SIGLEC5: variants seen among roughly 807,000 people sequenced by gnomAD.
The protein encoded by SIGLEC5 is sialic acid binding Ig like lectin 5, also known as sialic acid-binding Ig-like lectin 5.
In SIGLEC5, 34 loss-of-function variants were observed where a neutral mutation model predicts 45.9. That is an observed-to-expected ratio of 0.74 (90% CI 0.56 to 0.99). The LOEUF is 0.99. SIGLEC5 is among the 50% of genes least tolerant of loss of function. SIGLEC5 has a pLI of 0.00. For synonymous variants in SIGLEC5, 203 were observed against 258.6 expected (o/e 0.79, Z 2.06); for missense variants, 508 against 629.6 (o/e 0.81, Z 2.07).
chr19:51,614,372 G>A (rs1031556842), intron 8 of SIGLEC5, among the ~76,000 whole-genome samples: 13 of 152,098 alleles, frequency 8.5e-5, no homozygotes, highest in African/African-American at 2.9e-4. Flanking sequence ...TGGGCTAAGC[G>A]ACTGGCCCAG....
At chr19:51,627,426 C>A (rs1264365971) in intron 6 of SIGLEC5, 36 bp downstream of exon 6, 1 of 1,585,752 alleles carries the variant, frequency 6.3e-7, no homozygotes, top group African/African-American at 1.3e-5. Flanking sequence ...ATGCCCCTCC[C>A]CTCAGGCCCC....
intron 8 of SIGLEC5, among the ~76,000 whole-genome samples, chr19:51,619,191 C>T (rs1309268084): frequency 6.6e-6 from 1 of 152,238 alleles, no homozygotes; most frequent in African/African-American, 2.4e-5. Flanking sequence ...TCTCCTGCCT[C>T]AGCCTCCTGA....
At chr19:51,617,445 A>G (rs1456081854) in intron 8 of SIGLEC5, among the ~76,000 whole-genome samples, 1 of 152,122 alleles carries the variant, frequency 6.6e-6, no homozygotes, top group Non-Finnish European at 1.5e-5. Flanking sequence ...AGAAAATTAT[A>G]AAAGTTTCCA....
intron 4 of SIGLEC5, 129 bp from the exon 5 acceptor site, chr19:51,628,220 T>A (rs1453139446): frequency 9.3e-7 from 1 of 1,078,616 alleles, no homozygotes; most frequent in Non-Finnish European, 1.3e-6. Context: ...CTTGATTGCA[T>A]CCTGGTTCAA....
At chr19:51,618,943 TA>T (rs1191214993) in intron 8 of SIGLEC5, among the ~76,000 whole-genome samples, 1 of 152,164 alleles carries the variant, frequency 6.6e-6, no homozygotes, top group Non-Finnish European at 1.5e-5. Context: ...ACACAATTGT[TA>T]GAATTACAGT....
intron 8 of SIGLEC5, among the ~76,000 whole-genome samples, chr19:51,619,512 A>C (rs1191959882): frequency 6.6e-6 from 1 of 152,238 alleles, no homozygotes; most frequent in African/African-American, 2.4e-5. Context: ...AAAAGCATCT[A>C]CTTAGAATTT....
rs755640293 is a variant in SIGLEC5, at chr19:51,612,283, T to C, written c.1604A>G (p.Asp535Gly). The change falls in exon 9 of 9, where the codon GAC (aspartate) becomes GGC (glycine). Residue 535 changes from aspartate to glycine, a missense_variant. Physicochemically the swap from Asp to Gly is moderately conservative, Grantham distance 94 (BLOSUM62 -1). Coordinates refer to ENST00000683636, the MANE Select transcript of SIGLEC5 (RefSeq NM_003830.4). The stretch of plus-strand genomic sequence containing the variant: ...CTCCGTGGTGCTTGGGGCCTCCTGG[T>C]CCTTAGGCTCCCTCGACTTCATCTC... Reference protein sequence around the residue: ...FSEMKSREPKDQEAPSTTEYS... With the variant: ...FSEMKSREPKGQEAPSTTEYS... 2.5e-6 allele frequency: 4 copies of C among 1,612,498 alleles called. No individual in the cohort carries two copies. The African/African-American group carries it at 5.3e-5, about 22-fold the overall frequency.
chr19:51,625,952 TG>T (rs1286641870), intron 8 of SIGLEC5, 79 bp downstream of exon 8: 1 of 1,078,878 alleles, frequency 9.3e-7, no homozygotes, highest in Non-Finnish European at 1.4e-6. Flanking sequence ...GAGGGAGGAG[TG>T]GGTTTGGTGG....
intron 8 of SIGLEC5, among the ~76,000 whole-genome samples, chr19:51,625,356 A>G (rs982409050): frequency 4.6e-5 from 7 of 152,226 alleles, no homozygotes; most frequent in Admixed American, 4.6e-4. Flanking sequence ...AGCAACAGGA[A>G]CAAACAACAA....
chr19:51,629,199 C>A, intron 3 of SIGLEC5, 123 bp from the exon 4 acceptor site: 1 of 1,521,304 alleles, frequency 6.6e-7, no homozygotes, highest in East Asian at 2.3e-5. Context: ...TGTCTCACTC[C>A]CCGCAGATCC....
intron 8 of SIGLEC5, among the ~76,000 whole-genome samples, chr19:51,618,883 G>T (rs538424946): frequency 1.3e-5 from 2 of 150,110 alleles, no homozygotes; most frequent in Non-Finnish European, 3.0e-5. Flanking sequence ...AAGATATAAT[G>T]CTTTTCTAAA....
In SIGLEC5 at chr19:51,627,888, G is replaced by C. The variant is rs778716107; in HGVS notation, c.943C>G (p.Arg315Gly). ...RSAEEGGFTCRAQHPLGFLQI... is the reference protein window; with the variant it reads ...RSAEEGGFTCGAQHPLGFLQI... ...AGGAAGCCCAGCGGGTGCTGAGCGC[G>C]GCAGGTGAAGCCTCCTTCTTCTGCA... Residue 315 changes from arginine to glycine, a missense_variant, in exon 5 of 9, where the codon CGC (arginine) becomes GGC (glycine). By Grantham distance (125) the Arg-to-Gly change is moderately radical. Coordinates refer to ENST00000683636, the MANE Select transcript of SIGLEC5 (RefSeq NM_003830.4). The C allele has an allele frequency of 1.2e-6, 2 of 1,613,454 alleles. No individual in the cohort carries two copies. Among genetic ancestry groups the C allele is most frequent in the Non-Finnish European group, 1.7e-6 (2 of 1,179,718 alleles).
intron 7 of SIGLEC5, among the ~76,000 whole-genome samples, chr19:51,626,329 AC>A (rs1251483984): frequency 1.3e-5 from 2 of 151,638 alleles, no homozygotes; most frequent in African/African-American, 2.4e-5. Flanking sequence ...CATCATATAG[AC>A]CCCCTCTTAC....
intron 8 of SIGLEC5, 66 bp downstream of exon 8, chr19:51,625,966 T>C: frequency 7.6e-7 from 1 of 1,315,370 alleles, no homozygotes; most frequent in Non-Finnish European, 1.1e-6. Context: ...TTTGGTGGAA[T>C]GCTGAAGAGC....
At chr19:51,626,255 G>C in intron 7 of SIGLEC5, 142 bp from the exon 8 acceptor site, 1 of 652,918 alleles carries the variant, frequency 1.5e-6, no homozygotes, top group South Asian at 1.8e-5. Context: ...CCTGACTTCG[G>C]AGTGAGGGCT....
chr19:51,621,782 C>CAA (rs145630891), intron 8 of SIGLEC5: 2 of 148,714 alleles, frequency 1.3e-5, no homozygotes, highest in African/African-American at 4.9e-5. Context: ...TTTTTAATTA[C>CAA]AAAAAAAAAC....
intron 7 of SIGLEC5, among the ~76,000 whole-genome samples, chr19:51,626,513 T>C (rs557136389): frequency 3.1e-4 from 47 of 152,240 alleles, no homozygotes; most frequent in Non-Finnish European, 5.9e-4. Context: ...TGCTACAACA[T>C]AGATGAATCT....
chr19:51,627,973 AG>A lies in SIGLEC5; in HGVS notation c.857del (p.Pro286LeufsTer3). 6.2e-7 allele frequency: 1 copy of A among 1,613,806 alleles called. No individual in the cohort carries two copies. The highest frequency in any genetic ancestry group is 1.7e-4 in the Middle Eastern group (1 of 6,060). On this transcript the variant is annotated frameshift_variant, in exon 5 of 9. Transcript: ENST00000683636. LOFTEE classifies it high-confidence loss of function. ...PAHLSWFQGS[P>X]ALNATPISNT... The stretch of plus-strand genomic sequence containing the variant: ...TGGAGATGGGGGTGGCGTTCAGGGC[AG>A]GGGAGCCCTGGAACCAGCTCAGGTG...
intron 8 of SIGLEC5, among the ~76,000 whole-genome samples, chr19:51,615,356 C>T (rs988262420): frequency 6.6e-6 from 1 of 152,178 alleles, no homozygotes; most frequent in Non-Finnish European, 1.5e-5. Context: ...GGACAGCTGG[C>T]TTGTTGAGAG....
Sources: allele counts gnomAD v4.1 joint callset (sites outside exome capture counted in the v4.1 genomes callset), GRCh38; gene constraint gnomAD v4.1.1; transcripts MANE v1.5; gene names NCBI Gene and HGNC (gene_info 2026-07-23, HGNC 2026-07-21).